The following PRSS36 variants were observed in gnomAD, a reference collection of about 807,000 sequenced individuals.
PRSS36 encodes serine protease 36.
A neutral mutation model predicts 94.3 loss-of-function variants in PRSS36; 90 were observed. The observed-to-expected ratio is 0.95, with a 90% CI of 0.80 to 1.14. The LOEUF (loss-of-function observed/expected upper bound fraction) is 1.14, where lower values mean the gene tolerates loss of function less well. PRSS36 is among the 50% of genes most tolerant of loss of function. The probability of loss-of-function intolerance (pLI) is 0.00; values close to 1 mark genes in which losing one functional copy is unlikely to be tolerated. For synonymous variants in PRSS36, 500 were observed against 489.6 expected (o/e 1.02, Z -0.28); for missense variants, 1,158 against 1,135.0 (o/e 1.02, Z -0.29).
Position 31,139,200 on chromosome 16 carries a change from C to CCTTG in PRSS36, c.2502_2505dup (p.Ala836GlnfsTer25). On this transcript the variant is annotated frameshift_variant, in exon 15 of 15. Coordinates refer to ENST00000268281, the MANE Select transcript of PRSS36 (RefSeq NM_173502.5). LOFTEE classifies it low-confidence loss of function (END_TRUNC). Reference sequence around the variant, plus strand: ...TAGACTGCATGCGGGGATCCCGAGGCCTTGGCCAGTTCTGGGGGGCAGAGA... The same window carrying CCTTG: ...TAGACTGCATGCGGGGATCCCGAGGCCTTGCTTGGCCAGTTCTGGGGGGCAGAGA... The CCTTG allele has an allele frequency of 6.2e-7, 1 of 1,610,780 alleles. No homozygotes were observed. The highest frequency in any genetic ancestry group is 1.1e-5 in the South Asian group (1 of 90,904).
Position 31,143,740 on chromosome 16 carries a change from G to C in PRSS36, c.818C>G (p.Pro273Arg). The C allele has an allele frequency of 6.2e-7, 1 of 1,614,134 alleles. No homozygotes were observed. The highest frequency in any genetic ancestry group is 8.5e-7 in the Non-Finnish European group (1 of 1,180,024). ...GGTAGCCACAGCAGTGAAAACTCCA[G>C]GGCGGTTTCTCCGTCCACAGCCAAA... ...FGFGCGRRNR[P>R]GVFTAVATYE... Residue 273 changes from proline (P) to arginine (R), a missense_variant, in exon 7 of 15, where the codon CCT becomes CGT. Pro to Arg is a moderately radical substitution (Grantham distance 103). Coordinates refer to ENST00000268281, the MANE Select transcript of PRSS36 (RefSeq NM_173502.5).
chr16:31,148,766 G>A lies in PRSS36; in HGVS notation c.273-91C>T, dbSNP rs2057844210. 5 of 1,513,622 alleles carry A rather than the reference G, an allele frequency of 3.3e-6. No individual in the cohort carries two copies. In the African/African-American group the frequency reaches 5.5e-5, roughly 17 times the overall value. The allele number at this position is 1,513,622 out of a possible 1,614,324, so 93.8% of individuals were successfully genotyped here. On this transcript the variant is annotated intron_variant, in intron 4 of 14. Coordinates refer to ENST00000268281, the MANE Select transcript of PRSS36 (RefSeq NM_173502.5). ...GCAGGGGCTCAGAGCCAGAGGGGCA[G>A]GTGCTATCCGATCCAGATTTGGTGC...
chr16:31,148,254 A>G, intron 5 of PRSS36, 141 bp downstream of exon 5: 2 of 906,012 alleles, frequency 2.2e-6, no homozygotes, highest in South Asian at 1.8e-5. Context: ...GGATTCATCC[A>G]CCGACCCGCA....
chr16:31,140,558 G>A lies in PRSS36; in HGVS notation c.2101C>T (p.His701Tyr), dbSNP rs1352611890. 1 of 1,591,916 alleles carries A rather than the reference G, an allele frequency of 6.3e-7. No individual in the cohort carries two copies. Among genetic ancestry groups the A allele is most frequent in the Non-Finnish European group, 8.6e-7 (1 of 1,168,922 alleles). ...GCCCCCGGGGGGATACCCGCCGGGT[G>A]GAGACAGATGGGCAGGGCTGATGGG... Reference protein sequence around the residue: ...PSPSALPICLHPAGIPPGASC... With the variant: ...PSPSALPICLYPAGIPPGASC... Residue 701 changes from histidine to tyrosine, a missense_variant, in exon 13 of 15, where the codon CAC becomes TAC. Transcript: ENST00000268281.
In PRSS36 at chr16:31,142,596, C is replaced by G; in HGVS notation, c.1406G>C (p.Gly469Ala). 6.6e-7 allele frequency: 1 copy of G among 1,519,904 alleles called. No individual in the cohort carries two copies. The highest frequency in any genetic ancestry group is 8.8e-7 in the Non-Finnish European group (1 of 1,138,554). The allele number at this position is 1,519,904 out of a possible 1,614,324, so 94.2% of individuals were successfully genotyped here. ...GCCGTACAGGCAGTGGCACCACCAG[C>G]CGCCTAACAGCTCCGCCTCCAGCAG... Reference protein sequence around the residue: ...GALLEAELLGGWWCHCLYGRQ... With the variant: ...GALLEAELLGAWWCHCLYGRQ... Residue 469 changes from glycine (G) to alanine (A), a missense_variant, in exon 10 of 15, where the codon GGC becomes GCC. By Grantham distance (60) the Gly-to-Ala change is moderately conservative (BLOSUM62 0). Transcript: ENST00000268281.
chr16:31,147,286 T>A (rs1596859928), intron 5 of PRSS36, among the ~76,000 whole-genome samples: 1 of 152,120 alleles, frequency 6.6e-6, no homozygotes, highest in Non-Finnish European at 1.5e-5. Context: ...ATGTACCCTC[T>A]CTTCAAAAAT....
chr16:31,142,706 C>T, intron 9 of PRSS36, 31 bp downstream of exon 9: 1 of 1,347,394 alleles, frequency 7.4e-7, no homozygotes, highest in Non-Finnish European at 9.5e-7. Flanking sequence ...CCGCCCGGTG[C>T]CGCCCGGCCC....
Position 31,149,461 on chromosome 16 carries a change from AC to A in PRSS36, c.109+1del. ...CTGAGGGTGCCAAGGCCTCTTCCTT[AC>A]CCAGATCTTCAGGTTCTTCCTGGGT... On this transcript the variant is annotated splice_donor_variant, in intron 3 of 14. Coordinates refer to ENST00000268281, the MANE Select transcript of PRSS36 (RefSeq NM_173502.5). LOFTEE classifies it high-confidence loss of function. 6.2e-7 allele frequency: 1 copy of A among 1,613,910 alleles called. No homozygotes were observed. Among genetic ancestry groups the A allele is most frequent in the East Asian group, 2.2e-5 (1 of 44,866 alleles).
chr16:31,149,550 A>G, intron 2 of PRSS36, 52 bp from the exon 3 acceptor site: 2 of 1,611,312 alleles, frequency 1.2e-6, no homozygotes, highest in Non-Finnish European at 1.7e-6. Flanking sequence ...CCAGGCCTGC[A>G]CCGCCCAGCC....
At position 31,140,506 on chromosome 16, in the gene PRSS36, T is replaced by C. The variant is rs1461514375; in HGVS notation, c.2153A>G (p.Glu718Gly). Reference protein sequence around the residue: ...GASCWVLGWKEPQDRVPVAAA... With the variant: ...GASCWVLGWKGPQDRVPVAAA... ...AGGGGTCTCACCTCGGTCCTGGGGT[T>C]CTTTCCAGCCCAACACCCAGCAGCT... Residue 718 changes from glutamate (E) to glycine (G), a missense_variant, in exon 13 of 15, where the codon GAA becomes GGA. Coordinates refer to ENST00000268281, the MANE Select transcript of PRSS36 (RefSeq NM_173502.5). 1 of 1,579,950 alleles carries C rather than the reference T, an allele frequency of 6.3e-7. No individual in the cohort carries two copies. Among genetic ancestry groups the C allele is most frequent in the African/African-American group, 1.3e-5 (1 of 74,262 alleles).
At chr16:31,146,276 T>A (rs1368427780) in intron 5 of PRSS36, among the ~76,000 whole-genome samples, 5 of 152,196 alleles carry the variant, frequency 3.3e-5, no homozygotes, top group Admixed American at 6.5e-5. Context: ...TCCAGAGACA[T>A]CTTTTCACAG....
intron 5 of PRSS36, 117 bp downstream of exon 5, chr16:31,148,278 C>T: frequency 8.6e-7 from 1 of 1,160,086 alleles, no homozygotes. Context: ...ACCTACCCTC[C>T]AACGCTCCCC....
chr16:31,148,118 G>A (rs1174751238), intron 5 of PRSS36, among the ~76,000 whole-genome samples: 2 of 152,070 alleles, frequency 1.3e-5, no homozygotes, highest in Non-Finnish European at 1.5e-5. Flanking sequence ...AACCCTAGTC[G>A]GAGCCTAAAC....
intron 3 of PRSS36, 81 bp from the exon 4 acceptor site, chr16:31,149,316 G>A (rs1418451581): frequency 5.3e-6 from 8 of 1,506,644 alleles, no homozygotes; most frequent in East Asian, 2.4e-5. Flanking sequence ...ACGAAGGCCC[G>A]TCCTCCACCC....
rs764582498 is a variant in PRSS36, at chr16:31,141,717, G to A, written c.1759+6C>T. 10 of 1,609,756 alleles carry A rather than the reference G, an allele frequency of 6.2e-6. No individual in the cohort carries two copies. In the Middle Eastern group the frequency reaches 4.9e-4, roughly 80 times the overall value. On this transcript the variant is annotated splice_donor_region_variant and intron_variant, in intron 11 of 14. Coordinates refer to ENST00000268281, the MANE Select transcript of PRSS36 (RefSeq NM_173502.5). Reference sequence around the variant, plus strand: ...AGCCCCTAGGGCCCAAAAGCGTCCTGCTCACCACCATGCTCTGTGTGTGGG... The same window carrying A: ...AGCCCCTAGGGCCCAAAAGCGTCCTACTCACCACCATGCTCTGTGTGTGGG...
intron 5 of PRSS36, among the ~76,000 whole-genome samples, chr16:31,146,207 G>A (rs982163758): frequency 2.6e-5 from 4 of 152,224 alleles, no homozygotes; most frequent in African/African-American, 7.2e-5. Flanking sequence ...CTGCAACAAA[G>A]GATGCAATGT....
At position 31,139,088 on chromosome 16, in the gene PRSS36, C is replaced by T. The variant is rs536671290; in HGVS notation, c.*50G>A. On this transcript the variant is annotated 3_prime_UTR_variant, in exon 15 of 15. Coordinates refer to ENST00000268281, the MANE Select transcript of PRSS36 (RefSeq NM_173502.5). ...TGGGCCACATTCCAGCCCCACTGGGCGGGAAGTAGAGGGTGGAGAAGGGGG... is the reference window on the plus strand; with the variant it reads ...TGGGCCACATTCCAGCCCCACTGGGTGGGAAGTAGAGGGTGGAGAAGGGGG... 3.1e-5 allele frequency: 47 copies of T among 1,501,980 alleles called. No homozygotes were observed. The highest frequency in any genetic ancestry group is 1.8e-4 in the Middle Eastern group (1 of 5,490). 93.0% of individuals were successfully genotyped at this position (1,501,980 alleles called of 1,614,324 possible). A position where few individuals can be genotyped will look rare whatever the true frequency, so the allele number is the denominator to read the frequency against.
At chr16:31,149,820 C>G in intron 1 of PRSS36, 89 bp from the exon 2 acceptor site, 8 of 1,593,800 alleles carry the variant, frequency 5.0e-6, no homozygotes, top group South Asian at 1.1e-5. Flanking sequence ...TCCTAGCCTC[C>G]GTCTCCCCAG....
rs2057688192 is a variant in PRSS36, at chr16:31,141,478, C to CA, written c.1891dup (p.Cys631LeufsTer14). On this transcript the variant is annotated frameshift_variant, in exon 12 of 15. Transcript: ENST00000268281. LOFTEE classifies it high-confidence loss of function. Reference sequence around the variant, plus strand: ...GACGAGTGAGACCCACCTGAGGACACAGTGAGTGGCTGCCAGGACCCAGCC... The same window carrying CA: ...GACGAGTGAGACCCACCTGAGGACACAAGTGAGTGGCTGCCAGGACCCAGCC... The CA allele has an allele frequency of 6.2e-7, 1 of 1,611,578 alleles. No individual in the cohort carries two copies. Among genetic ancestry groups the CA allele is most frequent in the Admixed American group, 1.7e-5 (1 of 59,964 alleles).
Sources: allele counts gnomAD v4.1 joint callset (sites outside exome capture counted in the v4.1 genomes callset), GRCh38; gene constraint gnomAD v4.1.1; transcripts MANE v1.5; gene names NCBI Gene and HGNC (gene_info 2026-07-23, HGNC 2026-07-21).